ECT2L: variants seen among roughly 807,000 people sequenced by gnomAD.
ECT2L encodes epithelial cell transforming 2 like, also known as epithelial cell-transforming sequence 2 oncogene-like.
A neutral mutation model predicts 122.8 loss-of-function variants in ECT2L; 126 were observed. That is an observed-to-expected ratio of 1.03 (90% confidence interval 0.89 to 1.19). The LOEUF is 1.19. Ranked by LOEUF, ECT2L falls within the 50% of genes most tolerant of loss-of-function variation. The pLI is 0.00. For synonymous variants in ECT2L, 385 were observed against 381.8 expected (o/e 1.01, Z -0.10); for missense variants, 1,012 against 1,064.1 (o/e 0.95, Z 0.68).
chr6:138,889,319 TTTTTTC>T (rs1778936389), intron 20 of ECT2L, among the ~76,000 whole-genome samples: 1 of 152,014 alleles, frequency 6.6e-6, no homozygotes, highest in South Asian at 2.1e-4. Context: ...GTCACTTTTC[TTTTTTC>T]TTTTTCTTTT....
At chr6:138,868,066 T>G in intron 12 of ECT2L, 37 bp from the exon 13 acceptor site, 1 of 1,288,978 alleles carries the variant, frequency 7.8e-7, no homozygotes, top group Non-Finnish European at 1.1e-6. Context: ...ATTTCTTACA[T>G]AAATCAATTA....
chr6:138,899,005 A>C (rs1196576257), intron 20 of ECT2L, among the ~76,000 whole-genome samples: 1 of 152,248 alleles, frequency 6.6e-6, no homozygotes, highest in Non-Finnish European at 1.5e-5. Context: ...ATCTGAAGAA[A>C]GGGAAACCAT....
At chr6:138,881,378 T>C (rs73774903) in intron 15 of ECT2L, among the ~76,000 whole-genome samples, 3 of 152,064 alleles carry the variant, frequency 2.0e-5, no homozygotes, top group East Asian at 1.9e-4. Context: ...TTCATAGCCA[T>C]GGTGCAAGGA....
At position 138,893,901 on chromosome 6, in the gene ECT2L, C is replaced by G. The variant is rs76636439; in HGVS notation, c.2414+4870C>G. Among the ~76,000 whole-genome samples the G allele has an allele frequency of 7.5e-3, 1,146 of 152,244 alleles. 9 individuals are homozygous for G. Among genetic ancestry groups the G allele is most frequent in the African/African-American group, 0.025 (1,059 of 41,540 alleles). On this transcript the variant is annotated intron_variant, in intron 20 of 21. Transcript: ENST00000541398. ...TACTCCATGCAGGCAATTTCTGTTT[C>G]TGATAAGCTTTGATTCTCTGTAGCA...
In ECT2L at chr6:138,882,804, G is replaced by A; in HGVS notation, c.1961G>A (p.Gly654Glu). ...HCVGEIVTKF[G>E]SQLNTYTNFF... ...GTGGGAGAAATAGTCACGAAGTTTG[G>A]AAGCCAGTTAAACACATATACCAAT... Residue 654 changes from glycine (G) to glutamate (E), a missense_variant, in exon 16 of 22, where the codon GGA becomes GAA. Coordinates refer to ENST00000541398, the MANE Select transcript of ECT2L (RefSeq NM_001077706.3). 1 of 1,614,198 alleles carries A rather than the reference G, an allele frequency of 6.2e-7. No individual in the cohort carries two copies. Among genetic ancestry groups the A allele is most frequent in the African/African-American group, 1.3e-5 (1 of 75,056 alleles).
chr6:138,843,873 A>G (rs143992122), intron 6 of ECT2L, among the ~76,000 whole-genome samples: 299 of 152,136 alleles, frequency 2.0e-3, no homozygotes, highest in African/African-American at 6.9e-3. Flanking sequence ...GTATTTTTGT[A>G]GAGATGGGGT....
intron 4 of ECT2L, among the ~76,000 whole-genome samples, chr6:138,816,836 C>T (rs564160247): frequency 2.0e-5 from 3 of 152,270 alleles, no homozygotes; most frequent in South Asian, 2.1e-4. Context: ...CACCCATTTA[C>T]GGGTACAATT....
intron 1 of ECT2L, among the ~76,000 whole-genome samples, chr6:138,796,569 C>G (rs1045146690): frequency 3.9e-5 from 6 of 152,040 alleles, no homozygotes; most frequent in African/African-American, 9.7e-5. Flanking sequence ...CCTCTTTCCT[C>G]CTATGGGGTC....
rs567345640 is a variant in ECT2L, at chr6:138,832,602, C to A, written c.180-5750C>A. ...CAGGTCTCCCTTTCCTTTAGCAGCC[C>A]AGGAGAAGGTGTGCTTCCTTGCTTC... is the stretch of plus-strand genomic sequence containing the variant. On this transcript the variant is annotated intron_variant, in intron 4 of 21. Transcript: ENST00000541398. Among the ~76,000 whole-genome samples the A allele has an allele frequency of 2.6e-5, 4 of 152,204 alleles. No homozygotes were observed. In the East Asian group the frequency reaches 7.7e-4, roughly 29 times the overall value.
At chr6:138,846,161 G>C (rs1022180147) in intron 7 of ECT2L, among the ~76,000 whole-genome samples, 14 of 152,140 alleles carry the variant, frequency 9.2e-5, no homozygotes, top group African/African-American at 3.4e-4. Context: ...GCTGTGGAGA[G>C]AATGAAGACA....
chr6:138,801,338 A>G (rs1183469458), intron 1 of ECT2L, among the ~76,000 whole-genome samples: 1 of 152,222 alleles, frequency 6.6e-6, no homozygotes, highest in Non-Finnish European at 1.5e-5. Context: ...AGATGTGGGT[A>G]GACACCTATA....
At chr6:138,834,935 A>ACACACT (rs5880405) in intron 4 of ECT2L, among the ~76,000 whole-genome samples, 1,545 of 142,790 alleles carry the variant, frequency 0.011, 21 homozygotes, top group African/African-American at 0.035. Flanking sequence ...ACACACACAC[A>ACACACT]CTCTCATTCT....
chr6:138,858,680 C>T (rs894563620), intron 10 of ECT2L, among the ~76,000 whole-genome samples: 2 of 134,738 alleles, frequency 1.5e-5, no homozygotes, highest in African/African-American at 5.4e-5. Flanking sequence ...TATTAGTTTT[C>T]ATCTTCTAGA....
At chr6:138,834,933 A>T (rs111357426) in intron 4 of ECT2L, among the ~76,000 whole-genome samples, 1,871 of 83,840 alleles carry the variant, frequency 0.022, 31 homozygotes, top group African/African-American at 0.064. Flanking sequence ...ACACACACAC[A>T]CACTCTCATT....
chr6:138,868,322 A>G lies in ECT2L; in HGVS notation c.1578+116A>G, dbSNP rs78325185. ...TCCCTTTCAGAGCACAGTTCCTCAG[A>G]GAAATTACATCAGTTTATAAAAATA... On this transcript the variant is annotated intron_variant, in intron 13 of 21. Coordinates refer to ENST00000541398, the MANE Select transcript of ECT2L (RefSeq NM_001077706.3). 5.4e-3 allele frequency: 4,188 copies of G among 776,370 alleles called. 69 individuals are homozygous for G. Among genetic ancestry groups the G allele is most frequent in the African/African-American group, 0.047 (2,682 of 56,788 alleles). 48.1% of individuals were successfully genotyped at this position (776,370 alleles called of 1,614,324 possible).
chr6:138,874,630 A>T (rs1216402771), intron 13 of ECT2L, among the ~76,000 whole-genome samples: 1 of 152,144 alleles, frequency 6.6e-6, no homozygotes, highest in East Asian at 1.9e-4. Flanking sequence ...TTAATGCATA[A>T]ATTTTCATGT....
At chr6:138,838,848 A>T (rs942374612) in intron 5 of ECT2L, among the ~76,000 whole-genome samples, 1 of 152,134 alleles carries the variant, frequency 6.6e-6, no homozygotes, top group East Asian at 1.9e-4. Context: ...GCGTGATCTC[A>T]GCTCACTACA....
chr6:138,889,497 T>C (rs969477135), intron 20 of ECT2L, among the ~76,000 whole-genome samples: 2 of 152,104 alleles, frequency 1.3e-5, no homozygotes, highest in Admixed American at 6.5e-5. Context: ...TTTTTGTATT[T>C]TTAGTAGTGA....
rs772398246 is a variant in ECT2L at position 138,879,099 on chromosome 6, C to G, written c.1666-1858C>G. On this transcript the variant is annotated intron_variant, in intron 14 of 21. Transcript: ENST00000541398. ...ACATCAATTGTATCTTTAACCTCCACTTCCAACTCTGCAGGTGTGTCTGTT... is the reference window on the plus strand; with the variant it reads ...ACATCAATTGTATCTTTAACCTCCAGTTCCAACTCTGCAGGTGTGTCTGTT... 4.4e-5 allele frequency: 8 copies of G among 182,684 alleles called. No homozygotes were observed. In the East Asian group the frequency reaches 1.1e-3, roughly 26 times the overall value. The allele number at this position is 182,684 out of a possible 1,614,324, so 11.3% of individuals were successfully genotyped here. A position where few individuals can be genotyped will look rare whatever the true frequency, so the allele number is the denominator to read the frequency against.
Sources: gnomAD v4.1 joint callset for allele counts (sites outside exome capture counted in the v4.1 genomes callset) on GRCh38, gnomAD v4.1.1 for gene constraint, MANE v1.5 for transcripts, NCBI Gene and HGNC (gene_info 2026-07-23, HGNC 2026-07-21) for gene names.